KCNC2: variants seen among roughly 807,000 people sequenced by gnomAD.
The protein encoded by KCNC2 is voltage-gated potassium channel KCNC2.
Under a neutral mutation model 44.5 loss-of-function variants are expected in KCNC2, and 21 were observed. The observed-to-expected ratio is 0.47, with a 90% CI of 0.33 to 0.68. The LOEUF is 0.68. KCNC2 is among the 30% of genes least tolerant of loss of function. The probability of loss-of-function intolerance (pLI) is 0.01; values close to 1 mark genes in which losing one functional copy is unlikely to be tolerated. For missense variants in KCNC2, 589 were observed against 826.2 expected (o/e 0.71, Z 3.52); for synonymous variants, 391 against 339.1 (o/e 1.15, Z -1.68).
intron 2 of KCNC2, among the ~76,000 whole-genome samples, chr12:75,116,476 C>T (rs1488118632): frequency 6.6e-6 from 1 of 152,140 alleles, no homozygotes; most frequent in East Asian, 1.9e-4. Context: ...ATTCACATAA[C>T]ATTATTTTCT....
chr12:75,148,897 G>A (rs1366454896), intron 2 of KCNC2, among the ~76,000 whole-genome samples: 1 of 151,058 alleles, frequency 6.6e-6, no homozygotes. Flanking sequence ...TCCCCATCTG[G>A]AAATGCAAAC....
At chr12:75,045,828 T>C (rs186820556) in intron 4 of KCNC2, among the ~76,000 whole-genome samples, 2 of 152,056 alleles carry the variant, frequency 1.3e-5, no homozygotes, top group East Asian at 3.9e-4. Flanking sequence ...ATTACGTTCA[T>C]ATTTTTAGCT....
intron 2 of KCNC2, among the ~76,000 whole-genome samples, chr12:75,148,408 A>G (rs1405959134): frequency 6.6e-6 from 1 of 152,054 alleles, no homozygotes; most frequent in Non-Finnish European, 1.5e-5. Flanking sequence ...CTTTTAATCT[A>G]AGCATCCTTA....
intron 2 of KCNC2, among the ~76,000 whole-genome samples, chr12:75,193,770 C>A (rs1215046189): frequency 6.6e-6 from 1 of 152,052 alleles, no homozygotes; most frequent in Non-Finnish European, 1.5e-5. Flanking sequence ...TCCTATCCAC[C>A]CACCCTGAAG....
At chr12:75,069,223 C>T (rs981945039) in intron 2 of KCNC2, among the ~76,000 whole-genome samples, 2 of 143,278 alleles carry the variant, frequency 1.4e-5, no homozygotes, top group African/African-American at 5.3e-5. Flanking sequence ...CAACCTCCAC[C>T]TCCAAGGTTC....
intron 2 of KCNC2, among the ~76,000 whole-genome samples, chr12:75,105,000 C>CA (rs1886666016): frequency 6.6e-6 from 1 of 151,974 alleles, no homozygotes; most frequent in African/African-American, 2.4e-5. Context: ...AAGCAAAGAT[C>CA]AAAAAATATA....
chr12:75,193,224 G>A (rs1398248987), intron 2 of KCNC2, among the ~76,000 whole-genome samples: 1 of 152,078 alleles, frequency 6.6e-6, no homozygotes, highest in East Asian at 1.9e-4. Flanking sequence ...TTAAAATGGT[G>A]AAAAATAATC....
chr12:75,164,436 A>T (rs1891316630), intron 2 of KCNC2, among the ~76,000 whole-genome samples: 1 of 151,732 alleles, frequency 6.6e-6, no homozygotes, highest in South Asian at 2.1e-4. Context: ...AGTCTAACAC[A>T]TTCTACTGTG....
At chr12:75,183,923 T>C (rs975467881) in intron 2 of KCNC2, among the ~76,000 whole-genome samples, 6 of 152,086 alleles carry the variant, frequency 3.9e-5, no homozygotes, top group Non-Finnish European at 7.4e-5. Flanking sequence ...ATTCTTGGAG[T>C]TCCAGCATTA....
chr12:75,118,011 A>G (rs1887797223), intron 2 of KCNC2, among the ~76,000 whole-genome samples: 1 of 152,192 alleles, frequency 6.6e-6, no homozygotes, highest in South Asian at 2.1e-4. Flanking sequence ...CTACCCCATC[A>G]TGCTGGACTG....
At chr12:75,141,445 A>T (rs1446158799) in intron 2 of KCNC2, among the ~76,000 whole-genome samples, 1 of 152,214 alleles carries the variant, frequency 6.6e-6, no homozygotes, top group Non-Finnish European at 1.5e-5. Context: ...AGTGATAGTA[A>T]TTATTTGACA....
intron 2 of KCNC2, among the ~76,000 whole-genome samples, chr12:75,145,141 C>A (rs1011789379): frequency 6.6e-6 from 1 of 152,058 alleles, no homozygotes; most frequent in Non-Finnish European, 1.5e-5. Context: ...TATCTGCCCA[C>A]CTCAATTTTC....
chr12:75,043,688 A>C (rs1243876901), intron 4 of KCNC2: 1 of 1,377,514 alleles, frequency 7.3e-7, no homozygotes, highest in East Asian at 2.7e-5. Context: ...ACTTAAGTTT[A>C]AATGGACAAC....
chr12:75,162,177 C>T (rs1424434247), intron 2 of KCNC2, among the ~76,000 whole-genome samples: 1 of 151,682 alleles, frequency 6.6e-6, no homozygotes, highest in African/African-American at 2.4e-5. Flanking sequence ...TCCATTGAGC[C>T]AGGAGTTTAC....
intron 2 of KCNC2, among the ~76,000 whole-genome samples, chr12:75,192,012 C>T (rs2030330530): frequency 6.6e-6 from 1 of 152,128 alleles, no homozygotes; most frequent in Non-Finnish European, 1.5e-5. Flanking sequence ...ACACCTTTCT[C>T]AGTCCTGCTA....
intron 2 of KCNC2, among the ~76,000 whole-genome samples, chr12:75,180,983 T>C (rs190192593): frequency 6.6e-6 from 1 of 152,242 alleles, no homozygotes; most frequent in East Asian, 1.9e-4. Context: ...TAGTAGAAAG[T>C]AGAATTGTTC....
chr12:75,068,757 A>C (rs546132312), intron 2 of KCNC2, among the ~76,000 whole-genome samples: 1 of 152,304 alleles, frequency 6.6e-6, no homozygotes. Flanking sequence ...AATGGGAAGT[A>C]ATCAATGACC....
At chr12:75,086,517 T>A (rs1052250314) in intron 2 of KCNC2, among the ~76,000 whole-genome samples, 10 of 151,928 alleles carry the variant, frequency 6.6e-5, no homozygotes, top group African/African-American at 1.9e-4. Flanking sequence ...ATAAGTCAGA[T>A]GTTTCTAATT....
chr12:75,180,258 T>C (rs1892488044), intron 2 of KCNC2, among the ~76,000 whole-genome samples: 1 of 151,874 alleles, frequency 6.6e-6, no homozygotes, highest in Non-Finnish European at 1.5e-5. Context: ...TACATCTGGT[T>C]TTGTTAATTC....
Sources: gnomAD v4.1 joint callset for allele counts (sites outside exome capture counted in the v4.1 genomes callset) on GRCh38, gnomAD v4.1.1 for gene constraint, MANE v1.5 for transcripts, NCBI Gene and HGNC (gene_info 2026-07-23, HGNC 2026-07-21) for gene names.